The following FBXL13 variants were observed in gnomAD, a reference collection of about 807,000 sequenced individuals.
FBXL13 encodes F-box and leucine rich repeat protein 13, also known as F-box and leucine-rich repeat protein 13.
In FBXL13, 67 loss-of-function variants were observed where a neutral mutation model predicts 83.6. The ratio of observed to expected loss-of-function variants is 0.80; its 90% CI spans 0.66 to 0.98. FBXL13 has a LOEUF of 0.98. Among genes scored for constraint, FBXL13 ranks in the 50% least tolerant of loss-of-function variants. The pLI is 0.00. For missense variants in FBXL13, 822 were observed against 866.5 expected, an observed-to-expected ratio of 0.95 and a Z score of 0.64; for synonymous variants, 272 against 299.5, an observed-to-expected ratio of 0.91 and a Z score of 0.95.
chr7:102,952,224 G>A (rs528001665), intron 8 of FBXL13, among the ~76,000 whole-genome samples: 1 of 152,256 alleles, frequency 6.6e-6, no homozygotes, highest in South Asian at 2.1e-4. Context: ...GTACTTAATG[G>A]TACAAACTAT....
At chr7:102,818,834 T>C in intron 19 of FBXL13, among the ~76,000 whole-genome samples, 1 of 152,224 alleles carries the variant, frequency 6.6e-6, no homozygotes, top group Non-Finnish European at 1.5e-5. Flanking sequence ...GTACAAGATG[T>C]ACAGGTTTGT....
Position 102,856,097 on chromosome 7 carries a change from G to T in FBXL13, c.1636-1237C>A, listed in dbSNP as rs138458943. On this transcript the variant is annotated intron_variant, in intron 16 of 19. Transcript: ENST00000313221. ...CCATAAGTTTTTATTTGTTTCTTCA[G>T]TTTCTTCAGGAATATCTTTTTCTTC... 4.6e-3 allele frequency among the ~76,000 whole-genome samples: 694 copies of T among 152,112 alleles called. 7 individuals are homozygous for T. The highest frequency in any genetic ancestry group is 0.016 in the African/African-American group (664 of 41,498).
chr7:102,811,607 G>GT (rs1321843048), downstream of FBXL13, among the ~76,000 whole-genome samples: 1 of 152,218 alleles, frequency 6.6e-6, no homozygotes, highest in Non-Finnish European at 1.5e-5. Context: ...AACAGGGTGT[G>GT]TTTCTTACCG....
At chr7:102,988,737 T>C (rs1829260056) in intron 6 of FBXL13, 1 of 152,226 alleles carries the variant, frequency 6.6e-6, no homozygotes, top group Admixed American at 6.5e-5. Context: ...AAGAAAGCGC[T>C]TTCCATGTAA....
chr7:102,828,013 G>C (rs563588742), intron 18 of FBXL13, among the ~76,000 whole-genome samples: 2 of 152,258 alleles, frequency 1.3e-5, no homozygotes, highest in South Asian at 4.1e-4. Flanking sequence ...AAGTCAGGTA[G>C]CGTGATGCCT....
intron 19 of FBXL13, among the ~76,000 whole-genome samples, chr7:102,816,922 T>C (rs536601787): frequency 1.3e-5 from 2 of 152,372 alleles, no homozygotes; most frequent in African/African-American, 4.8e-5. Context: ...TCCATGTTGC[T>C]GCAAAGGACA....
chr7:103,043,327 G>C (rs945685026), intron 2 of FBXL13, among the ~76,000 whole-genome samples: 1 of 152,204 alleles, frequency 6.6e-6, no homozygotes, highest in Non-Finnish European at 1.5e-5. Context: ...AACAACAGAT[G>C]CTGGAGAGGA....
intron 6 of FBXL13, among the ~76,000 whole-genome samples, chr7:102,991,731 A>C (rs1356662382): frequency 1.3e-5 from 2 of 152,238 alleles, no homozygotes; most frequent in African/African-American, 4.8e-5. Flanking sequence ...ATCACAAGCC[A>C]CCTGAAACAG....
chr7:103,034,765 C>T (rs980205567), intron 2 of FBXL13, among the ~76,000 whole-genome samples: 2 of 152,248 alleles, frequency 1.3e-5, no homozygotes, highest in Non-Finnish European at 2.9e-5. Flanking sequence ...TGTCACCTCT[C>T]AGCATGTCCC....
At chr7:102,962,834 G>A (rs2129479409) in intron 8 of FBXL13, among the ~76,000 whole-genome samples, 1 of 151,464 alleles carries the variant, frequency 6.6e-6, no homozygotes, top group South Asian at 2.1e-4. Flanking sequence ...GACTGTTGTG[G>A]GGTGGGGGGA....
At chr7:103,016,770 A>C (rs958215470) in intron 6 of FBXL13, among the ~76,000 whole-genome samples, 3 of 152,092 alleles carry the variant, frequency 2.0e-5, no homozygotes, top group Non-Finnish European at 4.4e-5. Context: ...CGGCAGTGAG[A>C]CTGGGGGAGG....
intron 2 of FBXL13, chr7:103,030,234 C>T (rs986514404): frequency 2.6e-5 from 4 of 152,120 alleles, no homozygotes; most frequent in African/African-American, 9.7e-5. Context: ...GCTGTAAATA[C>T]TTTGTTAAAT....
At position 103,055,811 on chromosome 7, in the gene FBXL13, G is replaced by A. The variant is rs557451203; in HGVS notation, c.-104-64C>T. ...TTTTCACGTTTTTACTAAGCAGCAC[G>A]TAACTTTTTATTGTTCAATTTGTTT... On this transcript the variant is annotated intron_variant, in intron 1 of 19. Coordinates refer to ENST00000313221, the Ensembl canonical transcript of FBXL13. 1.0e-4 allele frequency: 69 copies of A among 670,634 alleles called. No individual in the cohort carries two copies. The Admixed American group carries it at 1.4e-3, about 14-fold the overall frequency. The allele number at this position is 670,634 out of a possible 1,614,324, so 41.5% of individuals were successfully genotyped here.
At position 102,942,284 on chromosome 7, in the gene FBXL13, T is replaced by C. The variant is rs191998640; in HGVS notation, c.725-10351A>G. 320 of 1,598,034 alleles carry C rather than the reference T, an allele frequency of 2.0e-4. No homozygotes were observed. In the African/African-American group the frequency reaches 3.9e-3, roughly 19 times the overall value. ...GTTTTAAAATGAAAGGTCTCCTATA[T>C]TTCAGGGTCTTTGAGATGAAACCCT... On this transcript the variant is annotated intron_variant, in intron 8 of 19. Transcript: ENST00000313221.
At chr7:103,051,622 A>T (rs376789624) in intron 2 of FBXL13, among the ~76,000 whole-genome samples, 4 of 152,178 alleles carry the variant, frequency 2.6e-5, no homozygotes, top group African/African-American at 9.7e-5. Context: ...TAAAAGAAAA[A>T]CTTTAGCCGA....
intron 3 of FBXL13, 33 bp downstream of exon 4, chr7:103,029,316 CAA>C (rs759930280): frequency 7.4e-7 from 1 of 1,358,564 alleles, no homozygotes; most frequent in Admixed American, 2.3e-5. Context: ...AATAAAAACT[CAA>C]AGAGGAAGAA....
chr7:102,935,237 T>C (rs1820067098), intron 8 of FBXL13, among the ~76,000 whole-genome samples: 1 of 127,206 alleles, frequency 7.9e-6, no homozygotes. Context: ...TTTTTTTTTT[T>C]CTTTCTTTTT....
chr7:102,898,438 T>C (rs575679755), intron 11 of FBXL13, among the ~76,000 whole-genome samples: 1 of 152,162 alleles, frequency 6.6e-6, no homozygotes, highest in Non-Finnish European at 1.5e-5. Context: ...ACTACAGGCA[T>C]GTGCCACCAT....
At chr7:103,059,124 G>T (rs1797615934) in intron 1 of FBXL13, among the ~76,000 whole-genome samples, 1 of 152,132 alleles carries the variant, frequency 6.6e-6, no homozygotes, top group Admixed American at 6.5e-5. Flanking sequence ...TTAAAAATTA[G>T]CTGAGCATGG....
Sources: gnomAD v4.1 joint callset for allele counts (sites outside exome capture counted in the v4.1 genomes callset) on GRCh38, gnomAD v4.1.1 for gene constraint, MANE v1.5 for transcripts, NCBI Gene and HGNC (gene_info 2026-07-23, HGNC 2026-07-21) for gene names.